The following NAV2 variants were observed in gnomAD, a reference collection of about 807,000 sequenced individuals.
The protein encoded by NAV2 is helicase, APC down-regulated 1.
NAV2 carries 54 observed loss-of-function variants against 223.2 expected under a neutral mutation model. That is an observed-to-expected ratio of 0.24 (90% CI 0.19 to 0.30). The LOEUF is 0.30. Ranked by LOEUF, NAV2 falls within the 10% of genes least tolerant of loss-of-function variation. NAV2 has a pLI of 1.00. For synonymous variants in NAV2, 1,279 were observed against 1,239.3 expected (o/e 1.03, Z -0.67); for missense variants, 2,806 against 3,147.5 (o/e 0.89, Z 2.60).
At chr11:19,625,066 G>A (rs140360718) in intron 1 of NAV2, among the ~76,000 whole-genome samples, 34 of 152,138 alleles carry the variant, frequency 2.2e-4, no homozygotes, top group African/African-American at 8.0e-4. Flanking sequence ...CCTTGTGTTG[G>A]GAATGTTTAA....
At chr11:20,078,526 T>G (rs2059899734) in intron 24 of NAV2, among the ~76,000 whole-genome samples, 1 of 152,214 alleles carries the variant, frequency 6.6e-6, no homozygotes, top group Non-Finnish European at 1.5e-5. Context: ...TGGTGCAATC[T>G]TGGCTCACTG....
At chr11:19,655,857 C>T (rs1476588875) in intron 1 of NAV2, among the ~76,000 whole-genome samples, 4 of 151,648 alleles carry the variant, frequency 2.6e-5, no homozygotes, top group Non-Finnish European at 5.9e-5. Flanking sequence ...CAAACCTGCA[C>T]GTTGTGCACA....
chr11:19,435,086 C>A (rs1227257124), intron 1 of NAV2, among the ~76,000 whole-genome samples: 1 of 152,122 alleles, frequency 6.6e-6, no homozygotes, highest in Admixed American at 6.5e-5. Context: ...TATATCATTT[C>A]TTTGTGGTGA....
intron 1 of NAV2, among the ~76,000 whole-genome samples, chr11:19,574,669 G>T (rs2045520174): frequency 6.6e-6 from 1 of 152,200 alleles, no homozygotes; most frequent in Non-Finnish European, 1.5e-5. Flanking sequence ...AGTGAATACA[G>T]CTGTGAGCAA....
chr11:19,428,183 T>G lies in NAV2; in HGVS notation c.75+77156T>G, dbSNP rs145290785. Among the ~76,000 whole-genome samples the G allele has an allele frequency of 2.2e-3, 328 of 152,336 alleles. 2 individuals are homozygous for G. The highest frequency in any genetic ancestry group is 7.6e-3 in the African/African-American group (315 of 41,562). On this transcript the variant is annotated intron_variant, in intron 1 of 37. Transcript: ENST00000360655. ...AGAAAACCCAGAAGTCAGGGTTTTTTTTGTTGCTGTTGTTAAATATCCCAA... is the reference window on the plus strand; with the variant it reads ...AGAAAACCCAGAAGTCAGGGTTTTTGTTGTTGCTGTTGTTAAATATCCCAA...
intron 25 of NAV2, chr11:20,082,496 G>A: frequency 8.0e-7 from 1 of 1,252,592 alleles, no homozygotes; most frequent in East Asian, 2.3e-5. Context: ...TGTTGTGTCT[G>A]AAAGTCCGAA....
chr11:19,424,274 G>A (rs1850735784), intron 1 of NAV2, among the ~76,000 whole-genome samples: 1 of 152,100 alleles, frequency 6.6e-6, no homozygotes, highest in South Asian at 2.1e-4. Context: ...CCCTTTATTT[G>A]TGTTGAATAA....
At chr11:19,573,267 C>G (rs1404113150) in intron 1 of NAV2, among the ~76,000 whole-genome samples, 1 of 152,164 alleles carries the variant, frequency 6.6e-6, no homozygotes, top group East Asian at 1.9e-4. Context: ...CTACCCTGCC[C>G]CTACACTTCA....
At chr11:19,828,203 T>G (rs2059747868) in intron 1 of NAV2, among the ~76,000 whole-genome samples, 1 of 152,142 alleles carries the variant, frequency 6.6e-6, no homozygotes, top group South Asian at 2.1e-4. Context: ...ATATAAAATT[T>G]ACCATTTTAA....
chr11:19,704,638 G>A (rs528906595), intron 1 of NAV2, among the ~76,000 whole-genome samples: 1 of 152,314 alleles, frequency 6.6e-6, no homozygotes, highest in East Asian at 1.9e-4. Context: ...CACATAAGAA[G>A]AATAACTTCA....
At chr11:19,537,109 C>T (rs1217585247) in intron 1 of NAV2, among the ~76,000 whole-genome samples, 8 of 151,998 alleles carry the variant, frequency 5.3e-5, no homozygotes, top group Non-Finnish European at 1.2e-4. Context: ...TAAAAAGGGT[C>T]CCTGGGGATC....
At position 20,040,411 on chromosome 11, in the gene NAV2, A is replaced by G. The variant is rs774541544; in HGVS notation, c.2908-3570A>G. 8.5e-5 allele frequency among the ~76,000 whole-genome samples: 13 copies of G among 152,210 alleles called. 1 individual carries two copies. The highest frequency in any genetic ancestry group is 1.8e-4 in the Non-Finnish European group (12 of 68,036). ...ACTGAGTTCACTGAGTTCACCATCA[A>G]TGCTGTAAGAGACCTATTTATCATC... is the stretch of plus-strand genomic sequence containing the variant. On this transcript the variant is annotated intron_variant, in intron 12 of 37. Coordinates refer to ENST00000349880, the MANE Select transcript of NAV2 (RefSeq NM_145117.5).
chr11:19,730,419 A>G (rs910735946), intron 1 of NAV2, among the ~76,000 whole-genome samples: 1 of 152,180 alleles, frequency 6.6e-6, no homozygotes. Flanking sequence ...GCTTGTTGCA[A>G]AGCCCCTGAA....
intron 3 of NAV2, among the ~76,000 whole-genome samples, chr11:19,866,212 C>T (rs1181745712): frequency 6.6e-6 from 1 of 152,210 alleles, no homozygotes; most frequent in Non-Finnish European, 1.5e-5. Context: ...ATGTTTTGGA[C>T]TGGACAGTTC....
intron 1 of NAV2, among the ~76,000 whole-genome samples, chr11:19,498,001 T>C (rs1046440561): frequency 5.3e-5 from 8 of 152,226 alleles, no homozygotes; most frequent in African/African-American, 1.9e-4. Context: ...ATCGTCGTAA[T>C]TTCACACATA....
At chr11:19,465,412 A>G (rs187794325) in intron 1 of NAV2, among the ~76,000 whole-genome samples, 24 of 152,318 alleles carry the variant, frequency 1.6e-4, no homozygotes, top group Admixed American at 1.2e-3. Flanking sequence ...GCTTCTTTGT[A>G]TTAAATAACC....
chr11:19,665,287 C>T (rs1246833646), intron 1 of NAV2, among the ~76,000 whole-genome samples: 2 of 152,226 alleles, frequency 1.3e-5, no homozygotes, highest in Non-Finnish European at 2.9e-5. Context: ...GGCCAAGATC[C>T]TCTTTTACTC....
At chr11:19,951,925 G>T (rs2047430531) in intron 10 of NAV2, among the ~76,000 whole-genome samples, 1 of 152,178 alleles carries the variant, frequency 6.6e-6, no homozygotes, top group Non-Finnish European at 1.5e-5. Flanking sequence ...TTCTCTTCCT[G>T]TTCCTTTTAA....
intron 1 of NAV2, among the ~76,000 whole-genome samples, chr11:19,524,532 G>A (rs1414867395): frequency 2.6e-5 from 4 of 152,148 alleles, no homozygotes; most frequent in South Asian, 2.1e-4. Context: ...GGGCAGGCAC[G>A]TCTGGCATGG....
Sources: allele counts gnomAD v4.1 joint callset (sites outside exome capture counted in the v4.1 genomes callset), GRCh38; gene constraint gnomAD v4.1.1; transcripts MANE v1.5; gene names NCBI Gene and HGNC (gene_info 2026-07-23, HGNC 2026-07-21).